Variants in CNOT10 observed in about 807,000 individuals in gnomAD.
CNOT10 encodes the protein CCR4-NOT transcription complex subunit 10.
CNOT10 carries 30 observed loss-of-function variants against 94.6 expected under a neutral mutation model. That is an observed-to-expected ratio of 0.32 (90% CI 0.24 to 0.43). The LOEUF (loss-of-function observed/expected upper bound fraction) is 0.43, where lower values mean the gene tolerates loss of function less well. Among genes scored for constraint, CNOT10 ranks in the 20% least tolerant of loss-of-function variants. CNOT10 has a pLI of 1.00. For synonymous variants in CNOT10, 289 were observed against 301.6 expected, an observed-to-expected ratio of 0.96 and a Z score of 0.43; for missense variants, 759 against 877.2, an observed-to-expected ratio of 0.87 and a Z score of 1.70.
chr3:32,771,303 TA>T (rs1312333634), intron 18 of CNOT10, among the ~76,000 whole-genome samples: 1 of 151,562 alleles, frequency 6.6e-6, no homozygotes, highest in Non-Finnish European at 1.5e-5. Flanking sequence ...AGACCTTGTC[TA>T]AAAAAATAAT....
At chr3:32,721,436 T>TTTA (rs1246163599) in intron 8 of CNOT10, among the ~76,000 whole-genome samples, 1 of 136,338 alleles carries the variant, frequency 7.3e-6, no homozygotes, top group African/African-American at 2.8e-5. Context: ...CATCTTTTTT[T>TTTA]TTTTTTTTTT....
At position 32,716,759 on chromosome 3, in the gene CNOT10, T is replaced by C. The variant is rs551173461; in HGVS notation, c.661-395T>C. ...GCCTCCCAGTTTCAAGCGATTCTCC[T>C]GCCTCAGCCTTCCTGAGTAGCTGGG... On this transcript the variant is annotated intron_variant, in intron 6 of 18. Coordinates refer to ENST00000328834, the MANE Select transcript of CNOT10 (RefSeq NM_015442.3). Among the ~76,000 whole-genome samples, 21 of 152,318 alleles carry C rather than the reference T, an allele frequency of 1.4e-4. No homozygotes were observed. In the East Asian group the frequency reaches 3.1e-3, roughly 22 times the overall value.
intron 13 of CNOT10, chr3:32,753,705 T>A: frequency 6.3e-7 from 1 of 1,590,212 alleles, no homozygotes; most frequent in South Asian, 1.1e-5. Flanking sequence ...AAGAAAATAA[T>A]GAAAAGTTGG....
chr3:32,712,173 T>C (rs940948318), intron 4 of CNOT10, among the ~76,000 whole-genome samples: 2 of 151,690 alleles, frequency 1.3e-5, no homozygotes, highest in Non-Finnish European at 2.9e-5. Context: ...GTTTTTTTTT[T>C]TTTTCCATCT....
intron 9 of CNOT10, among the ~76,000 whole-genome samples, chr3:32,727,160 T>C (rs182335634): frequency 6.6e-6 from 1 of 151,794 alleles, no homozygotes; most frequent in African/African-American, 2.4e-5. Flanking sequence ...TTTTAAAAAG[T>C]GGAAACTTTA....
rs1698087925 is a variant in CNOT10 at position 32,715,688 on chromosome 3, A to C, written c.574-537A>C. The stretch of plus-strand genomic sequence containing the variant: ...ACCCCCGTCTCTATGAAAAATTAAA[A>C]TTGTAAATAAATAAAACCAGCTCAT... On this transcript the variant is annotated intron_variant, in intron 5 of 18. Transcript: ENST00000328834. Among the ~76,000 whole-genome samples the C allele has an allele frequency of 3.3e-5, 5 of 152,210 alleles. No individual in the cohort carries two copies. In the South Asian group the frequency reaches 1.0e-3, roughly 31 times the overall value.
At chr3:32,754,864 C>CTG (rs1419378108) in intron 13 of CNOT10, among the ~76,000 whole-genome samples, 1 of 149,156 alleles carries the variant, frequency 6.7e-6, no homozygotes, top group Non-Finnish European at 1.5e-5. Context: ...GGCATACTGC[C>CTG]TGTGGGGTAG....
At chr3:32,707,522 G>T (rs1388906941) in intron 3 of CNOT10, among the ~76,000 whole-genome samples, 2 of 152,244 alleles carry the variant, frequency 1.3e-5, no homozygotes, top group East Asian at 1.9e-4. Flanking sequence ...CTATGTCCTC[G>T]GCCAGGTGCG....
Position 32,725,568 on chromosome 3 carries a change from T to C in CNOT10, c.981T>C (p.Cys327=). ...KKALQENDNV[C]AQLSAGSTDP... ...CTCTGCAAGAGAATGACAATGTCTG[T>C]GCACAGCTCAGTGCAGGTAGCACTG... The change falls in exon 9 of 19, where the codon TGT becomes TGC. Residue 327 remains cysteine (C), a synonymous_variant. Transcript: ENST00000328834. 6.2e-7 allele frequency: 1 copy of C among 1,614,200 alleles called. No individual in the cohort carries two copies. The highest frequency in any genetic ancestry group is 2.2e-5 in the East Asian group (1 of 44,876).
At chr3:32,687,364 A>G (rs554400791) in intron 1 of CNOT10, among the ~76,000 whole-genome samples, 9 of 149,426 alleles carry the variant, frequency 6.0e-5, no homozygotes, top group African/African-American at 2.0e-4. Context: ...AAGACTGTAC[A>G]TGCTTTGGGC....
chr3:32,728,653 C>T (rs1281680118), intron 10 of CNOT10, among the ~76,000 whole-genome samples: 2 of 152,084 alleles, frequency 1.3e-5, no homozygotes, highest in African/African-American at 4.8e-5. Context: ...CATTTGTTAA[C>T]ATTCTCATTC....
intron 4 of CNOT10, among the ~76,000 whole-genome samples, chr3:32,709,122 T>C (rs919031000): frequency 3.3e-5 from 5 of 152,232 alleles, no homozygotes; most frequent in Non-Finnish European, 7.3e-5. Flanking sequence ...CCTTTCTTAC[T>C]TTAGTACATT....
At chr3:32,757,179 T>TTTC (rs1700259147) in intron 13 of CNOT10, among the ~76,000 whole-genome samples, 1 of 121,000 alleles carries the variant, frequency 8.3e-6, no homozygotes, top group Non-Finnish European at 1.7e-5. Context: ...AATTTTTTTT[T>TTTC]TTTTTTTTTT....
chr3:32,733,484 G>A lies in CNOT10; in HGVS notation c.1277G>A (p.Gly426Asp). 1 of 1,605,258 alleles carries A rather than the reference G, an allele frequency of 6.2e-7. No individual in the cohort carries two copies. Among genetic ancestry groups the A allele is most frequent in the Non-Finnish European group, 8.5e-7 (1 of 1,173,316 alleles). ...SKKGIVQSIV[G>D]QGYHRKIVLA... ...AAAGGAATTGTACAGTCTATTGTTG[G>A]TCAAGGCTATCATCGTAAAATAGTT... The change falls in exon 11 of 19, where the codon GGT (glycine) becomes GAT (aspartate). Residue 426 changes from glycine (G) to aspartate (D), a missense_variant. Gly to Asp is a moderately conservative substitution (Grantham distance 94). Coordinates refer to ENST00000328834, the MANE Select transcript of CNOT10 (RefSeq NM_015442.3).
chr3:32,768,114 T>TGC (rs894700654), intron 17 of CNOT10, among the ~76,000 whole-genome samples: 7 of 152,158 alleles, frequency 4.6e-5, no homozygotes, highest in Non-Finnish European at 7.4e-5. Context: ...TTTCCAAGGT[T>TGC]GCCTGCCCAC....
intron 13 of CNOT10, among the ~76,000 whole-genome samples, chr3:32,754,518 CT>C (rs752732319): frequency 0.036 from 2,252 of 61,976 alleles, 28 homozygotes; most frequent in African/African-American, 0.094. Context: ...ATTTATTTTA[CT>C]TTTTTTTTTT....
chr3:32,705,324 T>C (rs774698172), intron 3 of CNOT10, among the ~76,000 whole-genome samples: 14 of 152,196 alleles, frequency 9.2e-5, no homozygotes, highest in Non-Finnish European at 1.6e-4. Context: ...CGTTTTAGCA[T>C]TTGGATCAGG....
At chr3:32,719,650 G>A (rs1395892060) in intron 7 of CNOT10, among the ~76,000 whole-genome samples, 1 of 152,142 alleles carries the variant, frequency 6.6e-6, no homozygotes, top group Non-Finnish European at 1.5e-5. Context: ...TCTATTTGTA[G>A]AATGGCACTT....
intron 14 of CNOT10, 102 bp from the exon 15 acceptor site, chr3:32,762,631 C>G (rs1023154848): frequency 1.3e-5 from 16 of 1,194,662 alleles, no homozygotes; most frequent in African/African-American, 3.2e-5. Context: ...AATATGAGAC[C>G]TATATCCAAT....
Sources: allele counts gnomAD v4.1 joint callset (sites outside exome capture counted in the v4.1 genomes callset), GRCh38; gene constraint gnomAD v4.1.1; transcripts MANE v1.5; gene names NCBI Gene and HGNC (gene_info 2026-07-23, HGNC 2026-07-21).